The following WDR45B variants were observed in gnomAD, a reference collection of about 807,000 sequenced individuals.
WDR45B encodes WD repeat domain 45B.
In WDR45B, 20 loss-of-function variants were observed where a neutral mutation model predicts 44.6. The ratio of observed to expected loss-of-function variants is 0.45; its 90% CI spans 0.32 to 0.65. The LOEUF is 0.65. Among genes scored for constraint, WDR45B ranks in the 30% least tolerant of loss-of-function variants. The pLI is 0.05. For synonymous variants in WDR45B, 169 were observed against 164.9 expected (o/e 1.02, Z -0.19); for missense variants, 323 against 430.2 (o/e 0.75, Z 2.20).
chr17:82,617,566 C>T (rs762909726), intron 7 of WDR45B, 169 bp from the exon 8 acceptor site: 1 of 700,522 alleles, frequency 1.4e-6, no homozygotes, highest in Non-Finnish European at 2.5e-6. Flanking sequence ...CCCCACAGCA[C>T]CACAGGTTGA....
chr17:82,624,886 G>T (rs1301403429), intron 5 of WDR45B, among the ~76,000 whole-genome samples: 1 of 152,082 alleles, frequency 6.6e-6, no homozygotes, highest in Admixed American at 6.6e-5. Context: ...CCAAAGTGCT[G>T]GGATTACAGG....
At chr17:82,617,469 T>G in intron 7 of WDR45B, 72 bp from the exon 8 acceptor site, 1 of 1,442,020 alleles carries the variant, frequency 6.9e-7, no homozygotes, top group South Asian at 1.2e-5. Flanking sequence ...CCCACAGCAC[T>G]TGTCGACACT....
intron 3 of WDR45B, chr17:82,629,956 C>G (rs1042390015): frequency 3.0e-6 from 3 of 985,144 alleles, no homozygotes; most frequent in Non-Finnish European, 2.4e-6. Flanking sequence ...GCCTCTCCTT[C>G]CCTCCTCACC....
At chr17:82,617,580 C>T (rs1438836763) in intron 7 of WDR45B, 183 bp from the exon 8 acceptor site, 1 of 657,920 alleles carries the variant, frequency 1.5e-6, no homozygotes, top group East Asian at 2.9e-5. Context: ...AGGTTGAAGC[C>T]ACAAAGCCAC....
chr17:82,622,851 A>C (rs2045637203), intron 5 of WDR45B, among the ~76,000 whole-genome samples: 1 of 152,202 alleles, frequency 6.6e-6, no homozygotes, highest in Non-Finnish European at 1.5e-5. Flanking sequence ...ATGGAAGAGA[A>C]CAAAAAGTCC....
At chr17:82,625,798 T>C in intron 4 of WDR45B, 1 of 373,746 alleles carries the variant, frequency 2.7e-6, no homozygotes, top group East Asian at 6.1e-5. Flanking sequence ...ACAGAAGTGA[T>C]ATTTTTATGC....
rs1250954703 is a variant in WDR45B, at chr17:82,616,039, AG to A, written c.929-15del. The stretch of plus-strand genomic sequence containing the variant: ...CTGCACAAATTGCTGGGATAGAAGG[AG>A]ACCATTTTACCTGTGTGTTTCTTTC... On this transcript the variant is annotated splice_polypyrimidine_tract_variant and intron_variant, in intron 9 of 9. Transcript: ENST00000392325. The A allele has an allele frequency of 1.9e-6, 3 of 1,609,594 alleles. No homozygotes were observed. The East Asian group carries it at 6.7e-5, about 36-fold the overall frequency.
At chr17:82,643,909 G>A in intron 2 of WDR45B, 40 bp downstream of exon 2, 1 of 1,600,488 alleles carries the variant, frequency 6.2e-7, no homozygotes, top group Non-Finnish European at 8.6e-7. Context: ...TCCGAGGGTT[G>A]GAAAGGGGAG....
At chr17:82,616,416 G>T in intron 9 of WDR45B, 108 bp downstream of exon 9, 1 of 1,573,564 alleles carries the variant, frequency 6.4e-7, no homozygotes, top group Non-Finnish European at 8.7e-7. Flanking sequence ...GCGGCCATCG[G>T]TGCCACAGCG....
chr17:82,628,121 T>C (rs1026652174), intron 3 of WDR45B, among the ~76,000 whole-genome samples: 4 of 152,296 alleles, frequency 2.6e-5, no homozygotes, highest in Admixed American at 2.0e-4. Flanking sequence ...GCTTCCCAAA[T>C]GGCTGGGACT....
At chr17:82,622,621 A>G (rs1375717271) in intron 5 of WDR45B, among the ~76,000 whole-genome samples, 1 of 152,038 alleles carries the variant, frequency 6.6e-6, no homozygotes, top group East Asian at 1.9e-4. Context: ...TTTAGTAGAG[A>G]TGGGATTTCA....
intron 5 of WDR45B, among the ~76,000 whole-genome samples, chr17:82,623,467 C>T (rs917417774): frequency 6.0e-5 from 9 of 150,996 alleles, no homozygotes; most frequent in East Asian, 3.9e-4. Flanking sequence ...TTTGGGAGGC[C>T]GAGGCAGGTG....
At chr17:82,646,317 G>C (rs903401254) in intron 1 of WDR45B, among the ~76,000 whole-genome samples, 3 of 151,168 alleles carry the variant, frequency 2.0e-5, no homozygotes, top group African/African-American at 7.3e-5. Context: ...GAGAAACCCA[G>C]TCTCTACTAA....
intron 3 of WDR45B, among the ~76,000 whole-genome samples, chr17:82,630,198 A>G (rs1248683733): frequency 1.3e-5 from 2 of 151,960 alleles, no homozygotes; most frequent in African/African-American, 4.8e-5. Flanking sequence ...CACTGCATCT[A>G]GACCAGAACT....
intron 7 of WDR45B, among the ~76,000 whole-genome samples, chr17:82,617,860 G>A (rs989068154): frequency 2.0e-5 from 3 of 152,226 alleles, no homozygotes; most frequent in Admixed American, 2.0e-4. Context: ...ACAGGGATGT[G>A]CTATGCACAC....
chr17:82,642,604 G>C (rs1014664615), intron 2 of WDR45B, among the ~76,000 whole-genome samples: 6 of 152,210 alleles, frequency 3.9e-5, no homozygotes, highest in African/African-American at 1.4e-4. Context: ...ACTCATGCAT[G>C]GTGGGGACTG....
At chr17:82,637,063 C>G (rs1254430645) in intron 2 of WDR45B, among the ~76,000 whole-genome samples, 2 of 151,972 alleles carry the variant, frequency 1.3e-5, no homozygotes, top group Non-Finnish European at 2.9e-5. Context: ...AAGGGGCACC[C>G]TTCTGCAGAA....
At chr17:82,621,468 C>T in intron 6 of WDR45B, 141 bp downstream of exon 6, 2 of 1,039,584 alleles carry the variant, frequency 1.9e-6, no homozygotes, top group Non-Finnish European at 1.5e-6. Flanking sequence ...GATGACATGA[C>T]CAGCCAGGTC....
chr17:82,629,264 C>T (rs1319799196), intron 3 of WDR45B, among the ~76,000 whole-genome samples: 1 of 152,222 alleles, frequency 6.6e-6, no homozygotes, highest in African/African-American at 2.4e-5. Flanking sequence ...CTCCTGACTT[C>T]CATCTATAAG....
Sources: gnomAD v4.1 joint callset for allele counts (sites outside exome capture counted in the v4.1 genomes callset) on GRCh38, gnomAD v4.1.1 for gene constraint, MANE v1.5 for transcripts, NCBI Gene and HGNC (gene_info 2026-07-23, HGNC 2026-07-21) for gene names.